Variants in GALNT14 observed in about 807,000 individuals in gnomAD.
The protein encoded by GALNT14 is polypeptide N-acetylgalactosaminyltransferase 14.
GALNT14 carries 60 observed loss-of-function variants against 77.5 expected under a neutral mutation model. That is an observed-to-expected ratio of 0.77 (90% CI 0.63 to 0.96). The LOEUF is 0.96. Among genes scored for constraint, GALNT14 ranks in the 40% least tolerant of loss-of-function variants. GALNT14 has a pLI of 0.00. For missense variants in GALNT14, 710 were observed against 731.0 expected, an observed-to-expected ratio of 0.97 and a Z score of 0.33; for synonymous variants, 280 against 281.7, an observed-to-expected ratio of 0.99 and a Z score of 0.06.
At chr2:31,055,025 CG>C (rs1163062878) in intron 1 of GALNT14, among the ~76,000 whole-genome samples, 1 of 152,124 alleles carries the variant, frequency 6.6e-6, no homozygotes, top group Non-Finnish European at 1.5e-5. Flanking sequence ...AGAGGAAACC[CG>C]GGCCAGAGTT....
chr2:30,913,018 G>C (rs1334139739), intron 13 of GALNT14, among the ~76,000 whole-genome samples: 1 of 152,158 alleles, frequency 6.6e-6, no homozygotes, highest in Non-Finnish European at 1.5e-5. Flanking sequence ...TGAGAAATTG[G>C]ATTGACAAGC....
At chr2:30,938,475 A>G (rs1302372771) in intron 9 of GALNT14, among the ~76,000 whole-genome samples, 1 of 152,192 alleles carries the variant, frequency 6.6e-6, no homozygotes, top group Non-Finnish European at 1.5e-5. Flanking sequence ...TAGACACATT[A>G]CATGTACACT....
chr2:31,034,634 T>C (rs2148486097), intron 1 of GALNT14, among the ~76,000 whole-genome samples: 1 of 152,312 alleles, frequency 6.6e-6, no homozygotes, highest in African/African-American at 2.4e-5. Flanking sequence ...GTTTTAGATT[T>C]AGTTTAGTTT....
chr2:30,901,407 T>C, the GALNT14 span, among the ~76,000 whole-genome samples: 1 of 152,028 alleles, frequency 6.6e-6, no homozygotes, highest in Non-Finnish European at 1.5e-5. Flanking sequence ...ATCCACATAG[T>C]AGAGCATGCC....
chr2:31,052,505 A>C (rs1176374751), intron 1 of GALNT14, among the ~76,000 whole-genome samples: 1 of 152,160 alleles, frequency 6.6e-6, no homozygotes, highest in Admixed American at 6.5e-5. Context: ...CTCCCCACGG[A>C]AGCCTGGCCT....
intron 1 of GALNT14, among the ~76,000 whole-genome samples, chr2:31,066,526 A>C (rs1413852082): frequency 6.6e-6 from 1 of 152,152 alleles, no homozygotes; most frequent in Non-Finnish European, 1.5e-5. Context: ...GGGGCCGTGC[A>C]GGGAAGCCTT....
intron 8 of GALNT14, among the ~76,000 whole-genome samples, chr2:30,942,744 C>T (rs1403259782): frequency 3.9e-5 from 6 of 152,166 alleles, no homozygotes; most frequent in African/African-American, 1.2e-4. Context: ...AGGGCTGAGG[C>T]GGCACTTGGT....
chr2:30,933,766 C>T (rs1295818587), intron 9 of GALNT14, among the ~76,000 whole-genome samples: 1 of 152,242 alleles, frequency 6.6e-6, no homozygotes, highest in Non-Finnish European at 1.5e-5. Flanking sequence ...TCCGCAGTAA[C>T]CAGCTAGCTG....
At chr2:31,090,209 G>A (rs1295380846) in intron 1 of GALNT14, among the ~76,000 whole-genome samples, 2 of 152,168 alleles carry the variant, frequency 1.3e-5, no homozygotes, top group Non-Finnish European at 2.9e-5. Context: ...AGCCAGGCTG[G>A]GTGAGGGCCC....
intron 1 of GALNT14, among the ~76,000 whole-genome samples, chr2:31,119,993 A>G (rs1277376706): frequency 2.5e-5 from 3 of 121,054 alleles, no homozygotes; most frequent in Non-Finnish European, 3.8e-5. Flanking sequence ...CGTCTCTACT[A>G]AAAATACAAA....
At chr2:31,066,294 C>A (rs1674959408) in intron 1 of GALNT14, among the ~76,000 whole-genome samples, 1 of 152,128 alleles carries the variant, frequency 6.6e-6, no homozygotes, top group African/African-American at 2.4e-5. Flanking sequence ...CTAGCAGCCT[C>A]CCAGCTGTAG....
At chr2:30,902,810 C>A in the GALNT14 span, among the ~76,000 whole-genome samples, 1 of 152,124 alleles carries the variant, frequency 6.6e-6, no homozygotes, top group Non-Finnish European at 1.5e-5. Flanking sequence ...CAGGCACATA[C>A]ACTGAGGGCG....
the GALNT14 span, among the ~76,000 whole-genome samples, chr2:30,895,884 C>G: frequency 2.6e-5 from 4 of 152,234 alleles, no homozygotes; most frequent in African/African-American, 9.6e-5. Flanking sequence ...TGTTATATAG[C>G]AGGTGTCTGG....
intron 6 of GALNT14, among the ~76,000 whole-genome samples, chr2:30,948,046 CATGGATACAT>C (rs1231720573): frequency 6.6e-6 from 1 of 152,176 alleles, no homozygotes; most frequent in East Asian, 1.9e-4. Flanking sequence ...CAACAGGATA[CATGGATACAT>C]ATGGATACAT....
intron 1 of GALNT14, among the ~76,000 whole-genome samples, chr2:31,136,438 T>TCCC (rs1679231702): frequency 1.3e-5 from 2 of 152,276 alleles, no homozygotes; most frequent in South Asian, 4.1e-4. Flanking sequence ...GTCCTCCTCC[T>TCCC]CCAGGGAGAC....
chr2:31,087,348 A>C (rs939510187), intron 1 of GALNT14, among the ~76,000 whole-genome samples: 4 of 152,212 alleles, frequency 2.6e-5, no homozygotes, highest in African/African-American at 4.8e-5. Flanking sequence ...TGAATATAAG[A>C]GGAGGCTAAA....
At chr2:31,044,739 G>A (rs557981543) in intron 1 of GALNT14, among the ~76,000 whole-genome samples, 2 of 140,720 alleles carry the variant, frequency 1.4e-5, no homozygotes, top group African/African-American at 5.4e-5. Flanking sequence ...GCAACATGGC[G>A]AAATTCCATC....
intron 1 of GALNT14, among the ~76,000 whole-genome samples, chr2:31,050,920 C>A (rs906993120): frequency 2.5e-4 from 38 of 151,912 alleles, no homozygotes; most frequent in Non-Finnish European, 4.4e-4. Context: ...TGAGTCACGG[C>A]CAAATTATAA....
At chr2:31,109,641 G>A (rs772199828) in intron 1 of GALNT14, among the ~76,000 whole-genome samples, 12 of 152,312 alleles carry the variant, frequency 7.9e-5, no homozygotes, top group Admixed American at 2.6e-4. Context: ...GCGGCAGTGC[G>A]GACAGATTGT....
Sources: allele counts gnomAD v4.1 joint callset (sites outside exome capture counted in the v4.1 genomes callset), GRCh38; gene constraint gnomAD v4.1.1; transcripts MANE v1.5; gene names NCBI Gene and HGNC (gene_info 2026-07-23, HGNC 2026-07-21).